Variants in CACNA2D1 observed in about 807,000 individuals in gnomAD.
CACNA2D1 encodes voltage-dependent calcium channel subunit alpha-2/delta-1.
In CACNA2D1, 53 loss-of-function variants were observed where a neutral mutation model predicts 171.5. That is an observed-to-expected ratio of 0.31 (90% CI 0.25 to 0.39). The LOEUF (loss-of-function observed/expected upper bound fraction) is 0.39, where lower values mean the gene tolerates loss of function less well. CACNA2D1 is among the 10% of genes least tolerant of loss of function. The pLI is 1.00. For missense variants in CACNA2D1, 903 were observed against 1,299.8 expected (o/e 0.69, Z 4.69); for synonymous variants, 442 against 443.1 (o/e 1.00, Z 0.03).
chr7:82,132,350 C>T (rs1791089784), intron 5 of CACNA2D1, among the ~76,000 whole-genome samples: 1 of 152,158 alleles, frequency 6.6e-6, no homozygotes, highest in African/African-American at 2.4e-5. Context: ...ATTACTATCC[C>T]TTCTCTCTTT....
At position 82,013,484 on chromosome 7, in the gene CACNA2D1, C is replaced by T; in HGVS notation, c.1249G>A (p.Gly417Ser). 1 of 1,077,682 alleles carries T rather than the reference C, an allele frequency of 9.3e-7. No individual in the cohort carries two copies. The highest frequency in any genetic ancestry group is 1.3e-6 in the Non-Finnish European group (1 of 774,616). The allele number at this position is 1,077,682 out of a possible 1,614,324, so 66.8% of individuals were successfully genotyped here. A position where few individuals can be genotyped will look rare whatever the true frequency, so the allele number is the denominator to read the frequency against. ...KGYYYEIPSI[G>S]AIRINTQEYL... ...ACCTGAGTATTGATTCTTATTGCACCAATGGAAGGAATTTCATAATAATAA... is the reference window on the plus strand; with the variant it reads ...ACCTGAGTATTGATTCTTATTGCACTAATGGAAGGAATTTCATAATAATAA... Residue 417 changes from glycine to serine, a missense_variant, in exon 14 of 39, where the codon GGT becomes AGT. By Grantham distance (56) the Gly-to-Ser change is moderately conservative. Transcript: ENST00000356860.
At position 81,970,766 on chromosome 7, in the gene CACNA2D1, T is replaced by C. The variant is rs116592129; in HGVS notation, c.2142-29A>G. 1.6e-3 allele frequency: 2,217 copies of C among 1,398,194 alleles called. 26 individuals are homozygous for C. The African/African-American group carries it at 0.027, about 17-fold the overall frequency. 86.6% of individuals were successfully genotyped at this position (1,398,194 alleles called of 1,614,324 possible). On this transcript the variant is annotated intron_variant, in intron 26 of 38. Transcript: ENST00000356860. ...AAACAGAAGACAAAACAAGGAAATG[T>C]TCTATTGAACATATTCTAAAAAACA...
intron 10 of CACNA2D1, among the ~76,000 whole-genome samples, chr7:82,039,937 T>A (rs758298140): frequency 2.0e-4 from 30 of 152,198 alleles, no homozygotes; most frequent in Non-Finnish European, 4.0e-4. Flanking sequence ...ATGCTGAAGA[T>A]GATTTTATTT....
intron 3 of CACNA2D1, among the ~76,000 whole-genome samples, chr7:82,317,151 A>G (rs182251814): frequency 1.3e-5 from 2 of 152,320 alleles, no homozygotes; most frequent in East Asian, 3.9e-4. Context: ...ATTTATATAT[A>G]AGCTACCAAG....
chr7:82,211,230 CA>C (rs1295597809), intron 3 of CACNA2D1, among the ~76,000 whole-genome samples: 5 of 151,932 alleles, frequency 3.3e-5, no homozygotes, highest in East Asian at 3.9e-4. Context: ...ATTTTAGGTC[CA>C]GGGGCACATG....
chr7:82,049,300 G>A (rs2131296685), intron 10 of CACNA2D1, among the ~76,000 whole-genome samples: 1 of 152,054 alleles, frequency 6.6e-6, no homozygotes, highest in South Asian at 2.1e-4. Context: ...AAGTGCATAA[G>A]AAGATAGAAT....
intron 1 of CACNA2D1, among the ~76,000 whole-genome samples, chr7:82,442,765 G>T (rs1286554665): frequency 6.6e-6 from 1 of 152,176 alleles, no homozygotes; most frequent in Non-Finnish European, 1.5e-5. Context: ...GGATCGCGTG[G>T]TCCCAGTACC....
intron 3 of CACNA2D1, among the ~76,000 whole-genome samples, chr7:82,270,124 T>G (rs758341249): frequency 6.6e-6 from 1 of 152,180 alleles, no homozygotes; most frequent in Non-Finnish European, 1.5e-5. Context: ...TCTATCTAAC[T>G]AAATTCTTCA....
intron 10 of CACNA2D1, among the ~76,000 whole-genome samples, chr7:82,049,282 C>T (rs981382229): frequency 6.6e-6 from 1 of 151,948 alleles, no homozygotes; most frequent in Non-Finnish European, 1.5e-5. Flanking sequence ...CCCATCTTTA[C>T]CTAAAAAAAG....
rs542462534 is a variant in CACNA2D1 at position 82,031,058 on chromosome 7, A to T, written c.1143+1739T>A. 2.0e-5 allele frequency among the ~76,000 whole-genome samples: 3 copies of T among 151,986 alleles called. No individual in the cohort carries two copies. In the South Asian group the frequency reaches 6.2e-4, roughly 31 times the overall value. On this transcript the variant is annotated intron_variant, in intron 12 of 38. Transcript: ENST00000356860. ...GTGATGTATTAGGAACTATCACTGG[A>T]TCTGTGCTCTGGGCTGCATGCCTAA...
intron 2 of CACNA2D1, among the ~76,000 whole-genome samples, chr7:82,337,177 T>G (rs919400008): frequency 1.3e-5 from 2 of 152,104 alleles, no homozygotes; most frequent in African/African-American, 4.8e-5. Context: ...AACTCACAAA[T>G]AAATGTGAAA....
At position 82,072,904 on chromosome 7, in the gene CACNA2D1, TAC is replaced by T. The variant is rs369928542; in HGVS notation, c.659-6382_659-6381del. 5.4e-3 allele frequency among the ~76,000 whole-genome samples: 822 copies of T among 152,276 alleles called. 6 individuals carry two copies. Among genetic ancestry groups the T allele is most frequent in the African/African-American group, 0.019 (792 of 41,582 alleles). ...GTTGGCACAAAATAAGCACTCCATTTACAGATACCTGAAACAGTACCACTGAG... is the reference window on the plus strand; with the variant it reads ...GTTGGCACAAAATAAGCACTCCATTTAGATACCTGAAACAGTACCACTGAG... On this transcript the variant is annotated intron_variant, in intron 7 of 38. Transcript: ENST00000356860.
At chr7:82,321,010 T>G (rs1270386644) in intron 3 of CACNA2D1, among the ~76,000 whole-genome samples, 6 of 152,162 alleles carry the variant, frequency 3.9e-5, no homozygotes, top group Non-Finnish European at 8.8e-5. Flanking sequence ...TATGACTTAA[T>G]GAACCTTTTA....
chr7:82,386,763 T>TAAAG (rs149197941), intron 1 of CACNA2D1, among the ~76,000 whole-genome samples: 2,136 of 149,800 alleles, frequency 0.014, 50 homozygotes, highest in African/African-American at 0.049. Context: ...AATAAATAAA[T>TAAAG]AAATAAATAA....
intron 3 of CACNA2D1, among the ~76,000 whole-genome samples, chr7:82,316,378 C>A (rs1352700777): frequency 2.0e-5 from 3 of 151,996 alleles, no homozygotes; most frequent in African/African-American, 7.2e-5. Flanking sequence ...AAAATTATTT[C>A]TTCTCTGACT....
rs1484437149 is a variant in CACNA2D1, at chr7:82,418,894, G to A, written c.95+24471C>T. Among the ~76,000 whole-genome samples, 7 of 152,094 alleles carry A rather than the reference G, an allele frequency of 4.6e-5. No individual in the cohort carries two copies. The East Asian group carries it at 7.8e-4, about 17-fold the overall frequency. Reference sequence around the variant, plus strand: ...AGCACTTTGGGAGGCCGAGGCAGGCGGATCACGAGGTCAGGAGATCGAGAT... The same window carrying A: ...AGCACTTTGGGAGGCCGAGGCAGGCAGATCACGAGGTCAGGAGATCGAGAT... On this transcript the variant is annotated intron_variant, in intron 1 of 38. Coordinates refer to ENST00000356860, the MANE Select transcript of CACNA2D1 (RefSeq NM_000722.4).
In CACNA2D1 at chr7:81,984,627, G is replaced by A. The variant is rs958436818; in HGVS notation, c.1873+8C>T. 1 of 1,499,838 alleles carries A rather than the reference G, an allele frequency of 6.7e-7. No individual in the cohort carries two copies. The highest frequency in any genetic ancestry group is 9.2e-7 in the Non-Finnish European group (1 of 1,087,548). 92.9% of individuals were successfully genotyped at this position (1,499,838 alleles called of 1,614,324 possible). A position where few individuals can be genotyped will look rare whatever the true frequency, so the allele number is the denominator to read the frequency against. On this transcript the variant is annotated splice_region_variant and intron_variant, in intron 22 of 38. Transcript: ENST00000356860. ...AATGGACCCTGAAGTCACTTTCACA[G>A]TACTTACATCTGGCCTGAGTTATTG... is the stretch of plus-strand genomic sequence containing the variant.
chr7:82,157,952 C>T (rs960494719), intron 4 of CACNA2D1, among the ~76,000 whole-genome samples: 1 of 151,866 alleles, frequency 6.6e-6, no homozygotes, highest in Non-Finnish European at 1.5e-5. Context: ...GATTTCAGGA[C>T]ATTTCTAGAG....
chr7:82,196,162 G>GC (rs1032374815), intron 3 of CACNA2D1, among the ~76,000 whole-genome samples: 2 of 152,006 alleles, frequency 1.3e-5, no homozygotes, highest in Admixed American at 1.3e-4. Context: ...TAGAAGATTA[G>GC]CTAAGGTTAG....
Sources: gnomAD v4.1 joint callset for allele counts (sites outside exome capture counted in the v4.1 genomes callset) on GRCh38, gnomAD v4.1.1 for gene constraint, MANE v1.5 for transcripts, NCBI Gene and HGNC (gene_info 2026-07-23, HGNC 2026-07-21) for gene names.